MEOX1: variants seen among roughly 807,000 people sequenced by gnomAD.
MEOX1 encodes homeobox protein MOX-1.
A neutral mutation model predicts 23.2 loss-of-function variants in MEOX1; 17 were observed. The observed-to-expected ratio is 0.73, with a 90% CI of 0.50 to 1.10. The LOEUF (loss-of-function observed/expected upper bound fraction) is 1.10. Ranked by LOEUF, MEOX1 falls within the 50% of genes least tolerant of loss-of-function variation. MEOX1 has a pLI of 0.00. For missense variants in MEOX1, 333 were observed against 332.2 expected, an observed-to-expected ratio of 1.00 and a Z score of -0.02; for synonymous variants, 134 against 135.1, an observed-to-expected ratio of 0.99 and a Z score of 0.06.
intron 1 of MEOX1, among the ~76,000 whole-genome samples, chr17:43,651,319 A>AG (rs1269772336): frequency 2.0e-5 from 3 of 152,156 alleles, no homozygotes; most frequent in African/African-American, 7.2e-5. Context: ...ACTCCGTCTC[A>AG]GAAAAAAAAG....
At chr17:43,657,013 T>TCTTTCTTTCTTA (rs1973036107) in intron 1 of MEOX1, among the ~76,000 whole-genome samples, 1 of 8,194 alleles carries the variant, frequency 1.2e-4, no homozygotes, top group Non-Finnish European at 2.0e-4. Flanking sequence ...TCTTTCTTTC[T>TCTTTCTTTCTTA]CTTTCTTTCT....
Position 43,661,664 on chromosome 17 carries a change from C to G in MEOX1, c.-130G>C, listed in dbSNP as rs1361775481. 5 of 507,298 alleles carry G rather than the reference C, an allele frequency of 9.9e-6. No homozygotes were observed. Among genetic ancestry groups the G allele is most frequent in the Non-Finnish European group, 1.6e-5 (5 of 315,874 alleles). 31.4% of individuals were successfully genotyped at this position (507,298 alleles called of 1,614,324 possible). ...AAAATGTTCAACAGAAAATTTACCC[C>G]AGGAACCAAAAAAAAAAAAAAACCC... On this transcript the variant is annotated 5_prime_UTR_variant, in exon 1 of 3. Coordinates refer to ENST00000318579, the MANE Select transcript of MEOX1 (RefSeq NM_004527.4).
At chr17:43,657,078 CT>C (rs528807400) in intron 1 of MEOX1, among the ~76,000 whole-genome samples, 3 of 117,128 alleles carry the variant, frequency 2.6e-5, no homozygotes, top group African/African-American at 3.3e-5. Context: ...TTCTTTCTTT[CT>C]TTTCTTTCTT....
At chr17:43,660,697 G>A (rs1490332665) in intron 1 of MEOX1, among the ~76,000 whole-genome samples, 1 of 152,188 alleles carries the variant, frequency 6.6e-6, no homozygotes, top group East Asian at 1.9e-4. Flanking sequence ...CTTGGGGCTG[G>A]CCAAAGCATG....
chr17:43,660,702 A>AGCATGGTG (rs1182923350), intron 1 of MEOX1, among the ~76,000 whole-genome samples: 1 of 152,118 alleles, frequency 6.6e-6, no homozygotes, highest in Non-Finnish European at 1.5e-5. Flanking sequence ...GGCTGGCCAA[A>AGCATGGTG]GCATGGTGGG....
intron 1 of MEOX1, among the ~76,000 whole-genome samples, chr17:43,653,915 C>T (rs1212043989): frequency 6.6e-6 from 1 of 152,134 alleles, no homozygotes; most frequent in Non-Finnish European, 1.5e-5. Context: ...CTCTACCAGC[C>T]GACAGGACCC....
At chr17:43,644,997 C>CA (rs2154588787) in intron 1 of MEOX1, among the ~76,000 whole-genome samples, 1 of 152,130 alleles carries the variant, frequency 6.6e-6, no homozygotes, top group South Asian at 2.1e-4. Flanking sequence ...CTTGAGCAGA[C>CA]GGGTGGGAGG....
chr17:43,642,582 G>T (rs1050778072), intron 2 of MEOX1, among the ~76,000 whole-genome samples: 22 of 152,172 alleles, frequency 1.4e-4, no homozygotes, highest in African/African-American at 5.1e-4. Context: ...CTGGCAGAGT[G>T]CTCTGTCAAC....
chr17:43,655,283 C>T (rs1972993021), intron 1 of MEOX1, among the ~76,000 whole-genome samples: 1 of 150,930 alleles, frequency 6.6e-6, no homozygotes, highest in Non-Finnish European at 1.5e-5. Context: ...CTATCCTGGC[C>T]AACATGGTGA....
chr17:43,654,765 C>G (rs2154588957), intron 1 of MEOX1, among the ~76,000 whole-genome samples: 1 of 151,980 alleles, frequency 6.6e-6, no homozygotes, highest in South Asian at 2.1e-4. Flanking sequence ...TGAAAATACA[C>G]TCTCCAGCCG....
chr17:43,643,650 C>T lies in MEOX1; in HGVS notation c.480G>A (p.Glu160=). 6.2e-7 allele frequency: 1 copy of T among 1,612,938 alleles called. No homozygotes were observed. The highest frequency in any genetic ancestry group is 8.5e-7 in the Non-Finnish European group (1 of 1,179,688). ...RRRKESSDNQ[E]NRGKPEGSSK... ...TGCTGCCCTCCGGCTTCCCTCTGTT[C>T]TCCTGGTTGTCTGGGGAGAGAGGAC... Residue 160 remains glutamate (E), a synonymous_variant, in exon 2 of 3, where the codon GAG becomes GAA. Coordinates refer to ENST00000318579, the MANE Select transcript of MEOX1 (RefSeq NM_004527.4).
intron 1 of MEOX1, among the ~76,000 whole-genome samples, chr17:43,653,418 G>A (rs1270922373): frequency 6.6e-6 from 1 of 152,014 alleles, no homozygotes; most frequent in Non-Finnish European, 1.5e-5. Flanking sequence ...GGGATTACAG[G>A]CGTGAGCCAC....
intron 1 of MEOX1, among the ~76,000 whole-genome samples, chr17:43,653,203 G>A (rs1381593386): frequency 6.1e-5 from 9 of 146,550 alleles, no homozygotes; most frequent in Non-Finnish European, 8.9e-5. Flanking sequence ...GCAGTGGCAC[G>A]ATCTTGGCTC....
chr17:43,658,781 A>G (rs538792657), intron 1 of MEOX1, among the ~76,000 whole-genome samples: 5 of 152,258 alleles, frequency 3.3e-5, no homozygotes, highest in Admixed American at 6.5e-5. Flanking sequence ...CTTCAGTTAA[A>G]TTCCAAAGGA....
intron 1 of MEOX1, among the ~76,000 whole-genome samples, chr17:43,647,813 GGAA>G (rs1186029916): frequency 2.4e-4 from 36 of 152,326 alleles, no homozygotes; most frequent in African/African-American, 7.2e-4. Flanking sequence ...AGAGGAAACA[GGAA>G]GAAGAAGTCT....
intron 1 of MEOX1, among the ~76,000 whole-genome samples, chr17:43,654,945 G>C (rs550514565): frequency 1.3e-5 from 2 of 152,010 alleles, no homozygotes; most frequent in Admixed American, 6.6e-5. Flanking sequence ...CCAGCTACTC[G>C]GGAGGCTGAG....
At chr17:43,647,431 T>C (rs1972831984) in intron 1 of MEOX1, among the ~76,000 whole-genome samples, 1 of 152,202 alleles carries the variant, frequency 6.6e-6, no homozygotes, top group African/African-American at 2.4e-5. Flanking sequence ...CCAGTGTGCC[T>C]GACAGCTTTT....
chr17:43,654,251 G>A (rs1567746916), intron 1 of MEOX1, among the ~76,000 whole-genome samples: 2 of 152,218 alleles, frequency 1.3e-5, no homozygotes, highest in African/African-American at 4.8e-5. Flanking sequence ...GCTCATGCCT[G>A]TAATCCCAGC....
At chr17:43,657,951 C>A (rs1049623844) in intron 1 of MEOX1, among the ~76,000 whole-genome samples, 3 of 152,214 alleles carry the variant, frequency 2.0e-5, no homozygotes, top group African/African-American at 7.2e-5. Context: ...CTGCATCTAA[C>A]CTTCACAGAG....
Sources: gnomAD v4.1 joint callset for allele counts (sites outside exome capture counted in the v4.1 genomes callset) on GRCh38, gnomAD v4.1.1 for gene constraint, MANE v1.5 for transcripts, NCBI Gene and HGNC (gene_info 2026-07-23, HGNC 2026-07-21) for gene names.